Variants in EPHA6 observed in about 807,000 individuals in gnomAD.
The protein encoded by EPHA6 is ephrin type-A receptor 6.
A neutral mutation model predicts 112.0 loss-of-function variants in EPHA6; 50 were observed. That is an observed-to-expected ratio of 0.45 (90% CI 0.36 to 0.56). EPHA6 has a LOEUF of 0.56. Among genes scored for constraint, EPHA6 ranks in the 20% least tolerant of loss-of-function variants. EPHA6 has a pLI of 0.00. For synonymous variants in EPHA6, 529 were observed against 490.7 expected (o/e 1.08, Z -1.03); for missense variants, 1,280 against 1,417.4 (o/e 0.90, Z 1.56).
intron 12 of EPHA6, among the ~76,000 whole-genome samples, chr3:97,600,945 T>C (rs993473766): frequency 1.5e-4 from 23 of 152,242 alleles, no homozygotes; most frequent in African/African-American, 5.3e-4. Flanking sequence ...TAGTAGTTCT[T>C]TTTTACTTCT....
intron 14 of EPHA6, among the ~76,000 whole-genome samples, chr3:97,716,574 C>CA (rs1218426459): frequency 0.05 from 1,782 of 35,924 alleles, 63 homozygotes; most frequent in African/African-American, 0.08. Context: ...GACTCCGTCT[C>CA]AAAAAAAAAA....
intron 2 of EPHA6, among the ~76,000 whole-genome samples, chr3:96,963,153 C>A (rs2042004827): frequency 7.8e-6 from 1 of 127,674 alleles, no homozygotes. Context: ...CAGAGTGAAA[C>A]TGCATCCAAA....
chr3:97,558,027 G>C (rs557209909), intron 11 of EPHA6, among the ~76,000 whole-genome samples: 2 of 152,046 alleles, frequency 1.3e-5, no homozygotes, highest in South Asian at 4.1e-4. Flanking sequence ...AAGATGGAGG[G>C]TTCCCTAAGC....
chr3:97,180,318 A>G (rs2076953098), intron 3 of EPHA6, among the ~76,000 whole-genome samples: 1 of 151,980 alleles, frequency 6.6e-6, no homozygotes, highest in Admixed American at 6.6e-5. Flanking sequence ...GTCCAGAAAT[A>G]CCATCCAATT....
intron 3 of EPHA6, among the ~76,000 whole-genome samples, chr3:97,152,913 T>C (rs760017603): frequency 7.9e-5 from 12 of 152,260 alleles, no homozygotes; most frequent in Middle Eastern, 3.4e-3. Context: ...AAACATTATC[T>C]GCCTTGTATT....
chr3:96,908,039 G>A (rs1345618840), intron 2 of EPHA6, among the ~76,000 whole-genome samples: 2 of 151,888 alleles, frequency 1.3e-5, no homozygotes, highest in Non-Finnish European at 2.9e-5. Context: ...TTTGCTTGTA[G>A]GCTGCAAACC....
intron 3 of EPHA6, among the ~76,000 whole-genome samples, chr3:97,140,050 A>G (rs2075861166): frequency 6.6e-6 from 1 of 152,132 alleles, no homozygotes; most frequent in Non-Finnish European, 1.5e-5. Flanking sequence ...GGGAACTTCA[A>G]ATTACTTTAA....
chr3:97,742,377 C>T (rs541408836), intron 16 of EPHA6, among the ~76,000 whole-genome samples: 1 of 152,248 alleles, frequency 6.6e-6, no homozygotes, highest in Admixed American at 6.6e-5. Context: ...GTGCTGGGTA[C>T]ACTACTGGGA....
At chr3:97,196,660 C>T (rs1178101003) in intron 3 of EPHA6, among the ~76,000 whole-genome samples, 1 of 151,708 alleles carries the variant, frequency 6.6e-6, no homozygotes, top group Non-Finnish European at 1.5e-5. Context: ...GTATTGTGAT[C>T]TGTCTTTGGT....
rs996168448 is a variant in EPHA6, at chr3:97,475,879, T to C, written c.2003+419T>C. Among the ~76,000 whole-genome samples the C allele has an allele frequency of 6.6e-5, 10 of 152,154 alleles. No homozygotes were observed. The East Asian group carries it at 1.9e-3, about 29-fold the overall frequency. ...GAAACTGTCTATGTTAGAATTATAT[T>C]AATTGGTTTTATAAATCCAATATTT... On this transcript the variant is annotated intron_variant, in intron 8 of 17. Coordinates refer to ENST00000389672, the MANE Select transcript of EPHA6 (RefSeq NM_001080448.3).
At chr3:97,187,503 A>G (rs1422784555) in intron 3 of EPHA6, among the ~76,000 whole-genome samples, 1 of 151,364 alleles carries the variant, frequency 6.6e-6, no homozygotes, top group Non-Finnish European at 1.5e-5. Flanking sequence ...CCAGGGGGGC[A>G]GAGGTTGCAG....
intron 5 of EPHA6, among the ~76,000 whole-genome samples, chr3:97,360,427 T>C (rs1444776318): frequency 6.6e-6 from 1 of 152,238 alleles, no homozygotes; most frequent in Non-Finnish European, 1.5e-5. Flanking sequence ...TGGTATTTTA[T>C]TTCAGATTTG....
chr3:97,198,686 A>G (rs2077502744), intron 3 of EPHA6, among the ~76,000 whole-genome samples: 1 of 152,174 alleles, frequency 6.6e-6, no homozygotes, highest in Admixed American at 6.5e-5. Context: ...GTAACATAAT[A>G]AAAATTATCT....
chr3:97,503,583 A>C (rs1410758905), intron 10 of EPHA6, among the ~76,000 whole-genome samples: 1 of 152,188 alleles, frequency 6.6e-6, no homozygotes, highest in African/African-American at 2.4e-5. Flanking sequence ...GCTGGAAATC[A>C]ACCTGTAATG....
chr3:97,245,459 G>A (rs1172515455), intron 5 of EPHA6, among the ~76,000 whole-genome samples: 2 of 151,880 alleles, frequency 1.3e-5, no homozygotes, highest in Non-Finnish European at 2.9e-5. Flanking sequence ...GGTCCTAGGG[G>A]TTGTGACTTC....
intron 3 of EPHA6, among the ~76,000 whole-genome samples, chr3:97,164,731 G>T (rs2076499804): frequency 6.6e-6 from 1 of 151,936 alleles, no homozygotes; most frequent in Non-Finnish European, 1.5e-5. Context: ...TTTTTTTCAT[G>T]ATTAAGTCTT....
Position 96,947,852 on chromosome 3 carries a change from C to T in EPHA6, c.451-39478C>T, listed in dbSNP as rs535630779. 2.0e-5 allele frequency among the ~76,000 whole-genome samples: 3 copies of T among 152,148 alleles called. No individual in the cohort carries two copies. The East Asian group carries it at 5.8e-4, about 29-fold the overall frequency. On this transcript the variant is annotated intron_variant, in intron 2 of 17. Transcript: ENST00000389672. Reference sequence around the variant, plus strand: ...GGTAACTTATAGATTCAATGCCATCCCCATCAAGCTACCAATGACTTTCTT... The same window carrying T: ...GGTAACTTATAGATTCAATGCCATCTCCATCAAGCTACCAATGACTTTCTT...
chr3:97,139,852 A>T (rs138928091), intron 3 of EPHA6, among the ~76,000 whole-genome samples: 1 of 152,330 alleles, frequency 6.6e-6, no homozygotes, highest in East Asian at 1.9e-4. Flanking sequence ...TTCTAAAATG[A>T]CAACGAATTC....
At chr3:96,975,146 A>C (rs899801864) in intron 2 of EPHA6, among the ~76,000 whole-genome samples, 1 of 152,146 alleles carries the variant, frequency 6.6e-6, no homozygotes, top group Non-Finnish European at 1.5e-5. Context: ...GGGGTGGTCT[A>C]TAAGTACCAG....
Sources: gnomAD v4.1 joint callset for allele counts (sites outside exome capture counted in the v4.1 genomes callset) on GRCh38, gnomAD v4.1.1 for gene constraint, MANE v1.5 for transcripts, NCBI Gene and HGNC (gene_info 2026-07-23, HGNC 2026-07-21) for gene names.